SREK1IP1: variants seen among roughly 807,000 people sequenced by gnomAD.
SREK1IP1 encodes SREK1 interacting protein 1, also known as protein SREK1IP1.
Under a neutral mutation model 22.8 loss-of-function variants are expected in SREK1IP1, and 12 were observed. The observed-to-expected ratio is 0.53, with a 90% CI of 0.34 to 0.85. The LOEUF (loss-of-function observed/expected upper bound fraction) is 0.85, where lower values mean the gene tolerates loss of function less well. SREK1IP1 is among the 40% of genes least tolerant of loss of function. The probability of loss-of-function intolerance (pLI) is 0.02; values close to 1 mark genes in which losing one functional copy is unlikely to be tolerated. For missense variants in SREK1IP1, 147 were observed against 171.8 expected (o/e 0.86, Z 0.81); for synonymous variants, 53 against 52.7 (o/e 1.01, Z -0.02).
chr5:64,763,761 T>A (rs1742991148), intron 1 of SREK1IP1, among the ~76,000 whole-genome samples: 1 of 152,218 alleles, frequency 6.6e-6, no homozygotes, highest in South Asian at 2.1e-4. Flanking sequence ...GCCATAGGGA[T>A]GAATCAAGCC....
At position 64,721,415 on chromosome 5, in the gene SREK1IP1, T is replaced by C. The variant is rs771773868; in HGVS notation, c.*2969A>G. ...TTACTCTGAAGGTAAACTAGGGTTA[T>C]ATAATTTTAGATACAGTTGTAAATA... is the stretch of plus-strand genomic sequence containing the variant. On this transcript the variant is annotated 3_prime_UTR_variant, in exon 5 of 5. Transcript: ENST00000513458. 4 of 152,222 alleles carry C rather than the reference T, an allele frequency of 2.6e-5. No homozygotes were observed. The highest frequency in any genetic ancestry group is 4.4e-5 in the Non-Finnish European group (3 of 68,038). The allele number at this position is 152,222 out of a possible 1,614,324, so 9.4% of individuals were successfully genotyped here.
intron 3 of SREK1IP1, among the ~76,000 whole-genome samples, chr5:64,737,125 C>T (rs1040962626): frequency 6.6e-6 from 1 of 152,048 alleles, no homozygotes; most frequent in Non-Finnish European, 1.5e-5. Flanking sequence ...TGCTGTCCAA[C>T]ACCAGCAGAA....
intron 1 of SREK1IP1, among the ~76,000 whole-genome samples, chr5:64,756,342 T>C (rs988101138): frequency 2.6e-5 from 4 of 152,182 alleles, no homozygotes; most frequent in African/African-American, 4.8e-5. Flanking sequence ...TAGCCCCTAG[T>C]AGTCTCTATT....
At chr5:64,763,988 G>T (rs751191649) in intron 1 of SREK1IP1, among the ~76,000 whole-genome samples, 2 of 152,196 alleles carry the variant, frequency 1.3e-5, no homozygotes, top group Non-Finnish European at 2.9e-5. Flanking sequence ...TAACAGTGGT[G>T]TGAGTTTAAG....
Position 64,722,263 on chromosome 5 carries a change from A to C in SREK1IP1, c.*2121T>G, listed in dbSNP as rs926959128. 1 of 152,186 alleles carries C rather than the reference A, an allele frequency of 6.6e-6. No individual in the cohort carries two copies. The highest frequency in any genetic ancestry group is 1.5e-5 in the Non-Finnish European group (1 of 68,018). 9.4% of individuals were successfully genotyped at this position (152,186 alleles called of 1,614,324 possible). A position where few individuals can be genotyped will look rare whatever the true frequency, so the allele number is the denominator to read the frequency against. Reference sequence around the variant, plus strand: ...TTTAATTTGCATACTACATTAGTTAACGAGGACTGACTTTTGCTCTTCTCA... The same window carrying C: ...TTTAATTTGCATACTACATTAGTTACCGAGGACTGACTTTTGCTCTTCTCA... On this transcript the variant is annotated 3_prime_UTR_variant, in exon 5 of 5. Coordinates refer to ENST00000513458, the MANE Select transcript of SREK1IP1 (RefSeq NM_173829.4).
At chr5:64,733,305 C>A (rs1742408457) in intron 3 of SREK1IP1, among the ~76,000 whole-genome samples, 1 of 152,018 alleles carries the variant, frequency 6.6e-6, no homozygotes, top group South Asian at 2.1e-4. Context: ...GGACTAGTGT[C>A]TAGAATGGTA....
At chr5:64,765,148 A>C (rs894092869) in intron 1 of SREK1IP1, 1 of 152,264 alleles carries the variant, frequency 6.6e-6, no homozygotes, top group Non-Finnish European at 1.5e-5. Flanking sequence ...CAGTTTTTTC[A>C]AAGAAAGTAA....
intron 3 of SREK1IP1, among the ~76,000 whole-genome samples, chr5:64,739,796 G>T (rs182274778): frequency 6.6e-6 from 1 of 152,028 alleles, no homozygotes; most frequent in Admixed American, 6.6e-5. Context: ...ACTCTTGTTT[G>T]CCCTCTTTGG....
At chr5:64,740,281 C>A (rs143062327) in intron 3 of SREK1IP1, among the ~76,000 whole-genome samples, 248 of 152,188 alleles carry the variant, frequency 1.6e-3, no homozygotes, top group Non-Finnish European at 2.9e-3. Context: ...TAAATGATAT[C>A]TGTTAGCCAT....
Position 64,724,471 on chromosome 5 carries a change from T to C in SREK1IP1, c.381A>G (p.Lys127=), listed in dbSNP as rs534700099. 13 of 1,591,552 alleles carry C rather than the reference T, an allele frequency of 8.2e-6. No individual in the cohort carries two copies. The East Asian group carries it at 2.9e-4, about 36-fold the overall frequency. The stretch of plus-strand genomic sequence containing the variant: ...TTTTTTCCTTTTTGTGATGTTTCCC[T>C]TTTTTTGATTTACTCTTTTTTTCTT... The part of the protein sequence containing the change: ...KKKEKKSKSK[K]GKHHKKEKKK... The change falls in exon 5 of 5, where the codon AAA becomes AAG. Residue 127 remains lysine, a synonymous_variant. Coordinates refer to ENST00000513458, the MANE Select transcript of SREK1IP1 (RefSeq NM_173829.4).
rs1458402869 is a variant in SREK1IP1 at position 64,754,288 on chromosome 5, AAGCATGTCATCTTTT to A, written c.61+12_61+26del. On this transcript the variant is annotated intron_variant, in intron 2 of 4. Coordinates refer to ENST00000513458, the MANE Select transcript of SREK1IP1 (RefSeq NM_173829.4). ...CCATGATTCCAGTATGAATAATGCA[AAGCATGTCATCTTTT>A]AGAATACTTACGGTAGCCACATTTT... is the stretch of plus-strand genomic sequence containing the variant. 1 of 1,611,720 alleles carries A rather than the reference AAGCATGTCATCTTTT, an allele frequency of 6.2e-7. No individual in the cohort carries two copies. The highest frequency in any genetic ancestry group is 2.2e-5 in the East Asian group (1 of 44,876).
At chr5:64,759,052 A>C (rs1324740924) in intron 1 of SREK1IP1, among the ~76,000 whole-genome samples, 1 of 152,172 alleles carries the variant, frequency 6.6e-6, no homozygotes, top group African/African-American at 2.4e-5. Flanking sequence ...GGGGAAAGTT[A>C]ATTCATTCTG....
At chr5:64,728,261 T>C in intron 3 of SREK1IP1, 82 bp from the exon 4 acceptor site, 1 of 1,162,672 alleles carries the variant, frequency 8.6e-7, no homozygotes, top group Non-Finnish European at 1.1e-6. Context: ...ATGTTAAAAT[T>C]TTAGCTGTTG....
At chr5:64,762,917 T>G (rs1319025240) in intron 1 of SREK1IP1, among the ~76,000 whole-genome samples, 1 of 150,180 alleles carries the variant, frequency 6.7e-6, no homozygotes, top group Admixed American at 6.6e-5. Context: ...CCAGGCGTGG[T>G]GGTGGATGCC....
Position 64,752,454 on chromosome 5 carries a change from G to A in SREK1IP1, c.61+1861C>T, listed in dbSNP as rs372160081. 7.2e-5 allele frequency among the ~76,000 whole-genome samples: 11 copies of A among 152,074 alleles called. No homozygotes were observed. In the East Asian group the frequency reaches 1.7e-3, roughly 24 times the overall value. On this transcript the variant is annotated intron_variant, in intron 2 of 4. Coordinates refer to ENST00000513458, the MANE Select transcript of SREK1IP1 (RefSeq NM_173829.4). ...GCGTGAGCCACCATGCCTGGCCTGT[G>A]AATTTCTTTTAAGTTAATTTTGCTA...
intron 1 of SREK1IP1, among the ~76,000 whole-genome samples, chr5:64,764,558 A>T (rs757384788): frequency 2.6e-5 from 4 of 152,148 alleles, no homozygotes; most frequent in Admixed American, 1.3e-4. Context: ...CATGCTTGGG[A>T]GTGTGCACTG....
In SREK1IP1 at chr5:64,718,797, A is replaced by G. The variant is rs564718998; in HGVS notation, c.*5587T>C. On this transcript the variant is annotated 3_prime_UTR_variant, in exon 5 of 5. Coordinates refer to ENST00000513458, the MANE Select transcript of SREK1IP1 (RefSeq NM_173829.4). ...CTGGTTTTGTAACAGAATTCAACAGAAAAAAAAAGGGAATTATTTTAAGCA... is the reference window on the plus strand; with the variant it reads ...CTGGTTTTGTAACAGAATTCAACAGGAAAAAAAAGGGAATTATTTTAAGCA... The G allele has an allele frequency of 6.6e-6, 1 of 151,174 alleles. No individual in the cohort carries two copies. The highest frequency in any genetic ancestry group is 1.5e-5 in the Non-Finnish European group (1 of 67,690). The allele number at this position is 151,174 out of a possible 1,614,324, so 9.4% of individuals were successfully genotyped here. A position where few individuals can be genotyped will look rare whatever the true frequency, so the allele number is the denominator to read the frequency against.
Position 64,723,725 on chromosome 5 carries a change from G to A in SREK1IP1, c.*659C>T, listed in dbSNP as rs1742213437. On this transcript the variant is annotated 3_prime_UTR_variant, in exon 5 of 5. Coordinates refer to ENST00000513458, the MANE Select transcript of SREK1IP1 (RefSeq NM_173829.4). ...TTTAATTATTACAAAAACAAAGGAG[G>A]CAGGTACTAGAAATTCTGCATTTCA... The A allele has an allele frequency of 6.6e-6, 1 of 152,406 alleles. No individual in the cohort carries two copies. The highest frequency in any genetic ancestry group is 1.5e-5 in the Non-Finnish European group (1 of 67,990). 9.4% of individuals were successfully genotyped at this position (152,406 alleles called of 1,614,324 possible). A position where few individuals can be genotyped will look rare whatever the true frequency, so the allele number is the denominator to read the frequency against.
intron 2 of SREK1IP1, among the ~76,000 whole-genome samples, chr5:64,748,598 G>A (rs771229227): frequency 5.3e-5 from 8 of 152,148 alleles, no homozygotes; most frequent in Non-Finnish European, 1.2e-4. Flanking sequence ...GACTAACACA[G>A]TAACCCTGGG....
Sources: allele counts gnomAD v4.1 joint callset (sites outside exome capture counted in the v4.1 genomes callset), GRCh38; gene constraint gnomAD v4.1.1; transcripts MANE v1.5; gene names NCBI Gene and HGNC (gene_info 2026-07-23, HGNC 2026-07-21).